The following PDE1C variants were observed in gnomAD, a reference collection of about 807,000 sequenced individuals.
PDE1C encodes the protein phosphodiesterase 1C, also known as dual specificity calcium/calmodulin-dependent 3',5'-cyclic nucleotide phosphodiesterase 1C.
PDE1C carries 62 observed loss-of-function variants against 93.1 expected under a neutral mutation model. The ratio of observed to expected loss-of-function variants is 0.67; its 90% CI spans 0.54 to 0.82. PDE1C has a LOEUF of 0.82. PDE1C is among the 40% of genes least tolerant of loss of function. The pLI is 0.00. For missense variants in PDE1C, 742 were observed against 884.6 expected, an observed-to-expected ratio of 0.84 and a Z score of 2.04; for synonymous variants, 325 against 310.1, an observed-to-expected ratio of 1.05 and a Z score of -0.50.
At chr7:31,691,132 A>C in the PDE1C span, among the ~76,000 whole-genome samples, 1 of 152,184 alleles carries the variant, frequency 6.6e-6, no homozygotes, top group Non-Finnish European at 1.5e-5. Context: ...TTCTGAAGTC[A>C]CTCAGTACAA....
the PDE1C span, among the ~76,000 whole-genome samples, chr7:31,690,515 C>A: frequency 7.8e-4 from 119 of 152,160 alleles, 1 homozygote; most frequent in Non-Finnish European, 5.4e-4. Context: ...AAAAATGATT[C>A]TATTACATTG....
intron 1 of PDE1C, among the ~76,000 whole-genome samples, chr7:32,308,179 G>T (rs967600960): frequency 6.6e-6 from 1 of 152,252 alleles, no homozygotes; most frequent in African/African-American, 2.4e-5. Context: ...CAGCAAGGCT[G>T]GGGGAGGGGC....
At chr7:31,974,066 T>A (rs1242914713) in intron 2 of PDE1C, among the ~76,000 whole-genome samples, 1 of 152,200 alleles carries the variant, frequency 6.6e-6, no homozygotes, top group African/African-American at 2.4e-5. Flanking sequence ...ACTAAAGTTG[T>A]ACTTGGTGTG....
At chr7:32,097,100 T>C (rs1308339250) in intron 3 of PDE1C, among the ~76,000 whole-genome samples, 1 of 152,204 alleles carries the variant, frequency 6.6e-6, no homozygotes, top group Admixed American at 6.5e-5. Context: ...AGAGGTTCTC[T>C]GCCTTACTCA....
intron 2 of PDE1C, among the ~76,000 whole-genome samples, chr7:32,005,173 C>A (rs75130963): frequency 0.026 from 3,914 of 152,172 alleles, 164 homozygotes; most frequent in African/African-American, 0.09. Context: ...AACCCCTGGC[C>A]ATGAACTCTC....
chr7:31,816,765 A>T (rs1004314591), intron 14 of PDE1C, among the ~76,000 whole-genome samples: 1 of 152,200 alleles, frequency 6.6e-6, no homozygotes, highest in Non-Finnish European at 1.5e-5. Flanking sequence ...AAGGAAGGGG[A>T]TAATTGAGCC....
In PDE1C at chr7:31,828,355, G is replaced by A. The variant is rs755452839; in HGVS notation, c.1222C>T (p.Leu408=). The A allele has an allele frequency of 1.2e-6, 2 of 1,612,494 alleles. No homozygotes were observed. Among genetic ancestry groups the A allele is most frequent in the Non-Finnish European group, 1.7e-6 (2 of 1,178,876 alleles). Residue 408 remains leucine (L), a synonymous_variant, in exon 12 of 18, where the codon CTG becomes TTG. Coordinates refer to ENST00000396191, the MANE Select transcript of PDE1C (RefSeq NM_001191057.4). ...CACAGAGGAGAAAAAGGCAGCCCCA[G>A]CTCTGCTTCTCTGTCACCCTGGAAA... is the stretch of plus-strand genomic sequence containing the variant. ...FFRQGDREAE[L]GLPFSPLCDR...
chr7:32,396,126 C>T (rs985094644), intron 1 of PDE1C, among the ~76,000 whole-genome samples: 3 of 152,114 alleles, frequency 2.0e-5, no homozygotes, highest in Admixed American at 6.6e-5. Flanking sequence ...AAGAGAAAAG[C>T]TATGAGGGTG....
At chr7:32,176,167 C>T (rs532941411) in intron 2 of PDE1C, among the ~76,000 whole-genome samples, 1 of 152,192 alleles carries the variant, frequency 6.6e-6, no homozygotes, top group East Asian at 1.9e-4. Flanking sequence ...TTGTAGTTAG[C>T]CTAACTACAT....
intron 1 of PDE1C, among the ~76,000 whole-genome samples, chr7:32,349,604 A>C (rs994356181): frequency 1.3e-5 from 2 of 152,102 alleles, no homozygotes; most frequent in African/African-American, 4.8e-5. Context: ...TGTCAGTTAG[A>C]GCTGTCTCCT....
chr7:32,170,131 T>C (rs1420792773), intron 2 of PDE1C, among the ~76,000 whole-genome samples: 1 of 152,108 alleles, frequency 6.6e-6, no homozygotes, highest in African/African-American at 2.4e-5. Context: ...ATGCAGAAAA[T>C]AGGCTACCAC....
At chr7:31,652,926 AC>A in the PDE1C span, 10 of 1,525,124 alleles carry the variant, frequency 6.6e-6, no homozygotes, top group South Asian at 1.3e-5. Flanking sequence ...GGGTCTGCCA[AC>A]CCATTGTCAG....
intron 2 of PDE1C, among the ~76,000 whole-genome samples, chr7:32,019,238 G>A (rs1002429892): frequency 1.3e-5 from 2 of 151,436 alleles, no homozygotes; most frequent in Non-Finnish European, 2.9e-5. Flanking sequence ...CATCCTGGAA[G>A]CAGCAATGTG....
the PDE1C span, among the ~76,000 whole-genome samples, chr7:31,621,661 T>C: frequency 6.8e-6 from 1 of 146,318 alleles, no homozygotes; most frequent in Non-Finnish European, 1.5e-5. Flanking sequence ...CATGCCAAAA[T>C]GTAAAGACCA....
At chr7:32,402,766 G>A (rs1784974831) in intron 1 of PDE1C, among the ~76,000 whole-genome samples, 1 of 152,158 alleles carries the variant, frequency 6.6e-6, no homozygotes, top group Non-Finnish European at 1.5e-5. Flanking sequence ...TATAATGTTA[G>A]CATATCATCT....
At chr7:31,723,533 G>T in the PDE1C span, among the ~76,000 whole-genome samples, 1 of 152,248 alleles carries the variant, frequency 6.6e-6, no homozygotes, top group Non-Finnish European at 1.5e-5. Context: ...GCCAGCAGTG[G>T]TTCTCCCTGT....
At chr7:31,961,177 A>T (rs1225481348) in intron 2 of PDE1C, among the ~76,000 whole-genome samples, 4 of 152,116 alleles carry the variant, frequency 2.6e-5, no homozygotes, top group Non-Finnish European at 5.9e-5. Context: ...GAAAAAAGAA[A>T]AATCTTCCAG....
Position 32,078,091 on chromosome 7 carries a change from C to T in PDE1C, c.308+91694G>A, listed in dbSNP as rs145241073. The T allele has an allele frequency of 5.5e-4, 508 of 923,016 alleles. 3 individuals are homozygous for T. The African/African-American group carries it at 8.7e-3, about 16-fold the overall frequency. The allele number at this position is 923,016 out of a possible 1,614,324, so 57.2% of individuals were successfully genotyped here. ...TTTTGTTCACGTAAAACTGCTGATGCTACAAGTCAGCCAAATTCTGACCCA... is the reference window on the plus strand; with the variant it reads ...TTTTGTTCACGTAAAACTGCTGATGTTACAAGTCAGCCAAATTCTGACCCA... On this transcript the variant is annotated intron_variant, in intron 3 of 18. Transcript: ENST00000396193.
At chr7:31,630,904 C>G in the PDE1C span, among the ~76,000 whole-genome samples, 1 of 151,784 alleles carries the variant, frequency 6.6e-6, no homozygotes, top group African/African-American at 2.4e-5. Flanking sequence ...AAAATACATA[C>G]AAAAATGTAT....
Sources: gnomAD v4.1 joint callset for allele counts (sites outside exome capture counted in the v4.1 genomes callset) on GRCh38, gnomAD v4.1.1 for gene constraint, MANE v1.5 for transcripts, NCBI Gene and HGNC (gene_info 2026-07-23, HGNC 2026-07-21) for gene names.